The following CPAMD8 variants were observed in gnomAD, a reference collection of about 807,000 sequenced individuals.
The protein encoded by CPAMD8 is C3 and PZP like alpha-2-macroglobulin domain containing 8, also known as C3 and PZP-like alpha-2-macroglobulin domain-containing protein 8.
A neutral mutation model predicts 224.7 loss-of-function variants in CPAMD8; 146 were observed. The ratio of observed to expected loss-of-function variants is 0.65; its 90% confidence interval spans 0.57 to 0.75. The LOEUF is 0.75. CPAMD8 is among the 30% of genes least tolerant of loss of function. CPAMD8 has a pLI of 0.00. For synonymous variants in CPAMD8, 966 were observed against 1,044.6 expected, an observed-to-expected ratio of 0.92 and a Z score of 1.45; for missense variants, 2,301 against 2,537.5, an observed-to-expected ratio of 0.91 and a Z score of 2.00.
chr19:16,946,255 TGTG>T (rs2054077642), intron 21 of CPAMD8, among the ~76,000 whole-genome samples: 2 of 150,692 alleles, frequency 1.3e-5, no homozygotes, highest in East Asian at 2.0e-4. Context: ...TGTCTACACA[TGTG>T]GGCATGTGTG....
chr19:16,920,965 T>A (rs2053151963), intron 27 of CPAMD8, among the ~76,000 whole-genome samples: 1 of 149,926 alleles, frequency 6.7e-6, no homozygotes, highest in Non-Finnish European at 1.5e-5. Context: ...GGAGAGTGAC[T>A]CAGTGGCTTT....
At chr19:16,969,216 G>A (rs2054963116) in intron 18 of CPAMD8, among the ~76,000 whole-genome samples, 1 of 152,164 alleles carries the variant, frequency 6.6e-6, no homozygotes, top group South Asian at 2.1e-4. Flanking sequence ...CTTGTGCACT[G>A]GGGTAGGGCT....
intron 12 of CPAMD8, 104 bp downstream of exon 12, chr19:16,993,312 G>A: frequency 1.1e-6 from 1 of 875,250 alleles, no homozygotes. Context: ...TGCAGGGCTG[G>A]GACGGGCTCC....
At chr19:16,938,841 T>C (rs1277122140) in intron 22 of CPAMD8, among the ~76,000 whole-genome samples, 2 of 152,194 alleles carry the variant, frequency 1.3e-5, no homozygotes, top group African/African-American at 2.4e-5. Context: ...GTGAGCACTG[T>C]GAGAGGGGCT....
At position 16,928,517 on chromosome 19, in the gene CPAMD8, T is replaced by C. The variant is rs531404609; in HGVS notation, c.3145-283A>G. Reference sequence around the variant, plus strand: ...ATTGCTCTGCCTAGAGAACCTACTCTGCTTCCATTTTGCCTAGCGAACTCC... The same window carrying C: ...ATTGCTCTGCCTAGAGAACCTACTCCGCTTCCATTTTGCCTAGCGAACTCC... On this transcript the variant is annotated intron_variant, in intron 24 of 41. Transcript: ENST00000443236. 8.5e-5 allele frequency among the ~76,000 whole-genome samples: 13 copies of C among 152,342 alleles called. No homozygotes were observed. In the South Asian group the frequency reaches 2.7e-3, roughly 32 times the overall value.
intron 27 of CPAMD8, 115 bp downstream of exon 27, chr19:16,921,790 T>C: frequency 2.9e-6 from 2 of 681,130 alleles, no homozygotes; most frequent in Non-Finnish European, 5.1e-6. Context: ...CCCAGCTGTG[T>C]TCCCTGTCAT....
intron 18 of CPAMD8, among the ~76,000 whole-genome samples, chr19:16,960,664 G>C (rs1004635986): frequency 5.3e-5 from 8 of 151,952 alleles, no homozygotes; most frequent in African/African-American, 1.9e-4. Context: ...CACTTCGGGA[G>C]ACTGAGGTGG....
chr19:17,002,472 T>C (rs2056359781), intron 8 of CPAMD8, 122 bp from the exon 9 acceptor site: 1 of 652,582 alleles, frequency 1.5e-6, no homozygotes, highest in African/African-American at 1.8e-5. Context: ...GTTGACACTG[T>C]ACCCATCCAC....
intron 41 of CPAMD8, chr19:16,895,591 T>C: frequency 3.2e-6 from 1 of 310,634 alleles, no homozygotes. Context: ...GTTTGTTGAC[T>C]ATGGTTGAGA....
In CPAMD8 at chr19:16,914,744, C is replaced by T. The variant is rs1238979612; in HGVS notation, c.3699G>A (p.Leu1233=). The T allele has an allele frequency of 1.2e-6, 2 of 1,614,088 alleles. No homozygotes were observed. The highest frequency in any genetic ancestry group is 1.7e-6 in the Non-Finnish European group (2 of 1,179,998). ...GGATGATCCAGCTCTTGGCGGCAGC[C>T]AGCTCCCGGGGGTCCACGAAGATAA... ...RSFIFVDPRE[L]AAAKSWIIQQ... The change falls in exon 28 of 42, where the codon CTG becomes CTA. Residue 1233 remains leucine, a synonymous_variant. Transcript: ENST00000443236.
In CPAMD8 at chr19:16,908,931, G is replaced by T. The variant is rs925877253; in HGVS notation, c.3862-1814C>A. On this transcript the variant is annotated intron_variant, in intron 29 of 41. Coordinates refer to ENST00000443236, the MANE Select transcript of CPAMD8 (RefSeq NM_015692.5). Reference sequence around the variant, plus strand: ...ACCCCAGGTCACGCGGGCCAGGACGGGTCTCAAGGACGCTGCGGAGACCAC... The same window carrying T: ...ACCCCAGGTCACGCGGGCCAGGACGTGTCTCAAGGACGCTGCGGAGACCAC... Among the ~76,000 whole-genome samples the T allele has an allele frequency of 1.3e-5, 2 of 152,156 alleles. 1 individual carries two copies.
At chr19:17,004,812 G>A (rs575562834) in intron 7 of CPAMD8, among the ~76,000 whole-genome samples, 1 of 152,110 alleles carries the variant, frequency 6.6e-6, no homozygotes, top group Non-Finnish European at 1.5e-5. Context: ...AGGATGCTGA[G>A]CAGCACCCCT....
chr19:17,018,717 T>TACAC (rs367984655), intron 3 of CPAMD8, among the ~76,000 whole-genome samples: 7,879 of 136,650 alleles, frequency 0.058, 699 homozygotes, highest in African/African-American at 0.19. Flanking sequence ...CTACTAAAAA[T>TACAC]ACACACACAC....
At chr19:17,000,550 A>C (rs1290069297) in intron 9 of CPAMD8, 28 bp from the exon 10 acceptor site, 11 of 994,544 alleles carry the variant, frequency 1.1e-5, no homozygotes, top group Non-Finnish European at 1.8e-5. Context: ...AGCATGCTCA[A>C]TTTCACAGCC....
At chr19:16,951,755 C>G (rs1430815017) in intron 20 of CPAMD8, among the ~76,000 whole-genome samples, 1 of 152,078 alleles carries the variant, frequency 6.6e-6, no homozygotes, top group Non-Finnish European at 1.5e-5. Context: ...TGATCTCATC[C>G]CACTCCTGCC....
At chr19:16,930,116 G>A (rs571179399) in intron 23 of CPAMD8, among the ~76,000 whole-genome samples, 14 of 152,186 alleles carry the variant, frequency 9.2e-5, no homozygotes, top group Admixed American at 5.2e-4. Context: ...TTAGTCGGGC[G>A]TGGGGGTAGG....
chr19:16,954,370 G>T (rs1392105609), intron 19 of CPAMD8, among the ~76,000 whole-genome samples: 1 of 151,388 alleles, frequency 6.6e-6, no homozygotes, highest in Admixed American at 6.6e-5. Context: ...AAAGAGAACA[G>T]CAAGTGTTTC....
chr19:16,896,979 C>T (rs923168031), intron 39 of CPAMD8: 11 of 255,300 alleles, frequency 4.3e-5, no homozygotes, highest in Non-Finnish European at 7.3e-5. Flanking sequence ...GCACTGACCA[C>T]ACCCACCCCA....
intron 28 of CPAMD8, 63 bp downstream of exon 28, chr19:16,914,594 G>A (rs924268846): frequency 6.2e-7 from 1 of 1,612,520 alleles, no homozygotes; most frequent in Non-Finnish European, 8.5e-7. Flanking sequence ...GAACAGGCAG[G>A]TCAGGGCTGG....
Sources: allele counts gnomAD v4.1 joint callset (sites outside exome capture counted in the v4.1 genomes callset), GRCh38; gene constraint gnomAD v4.1.1; transcripts MANE v1.5; gene names NCBI Gene and HGNC (gene_info 2026-07-23, HGNC 2026-07-21).